Variants in RANBP17 observed in about 807,000 individuals in gnomAD.
The protein encoded by RANBP17 is ran-binding protein 17.
Under a neutral mutation model 141.2 loss-of-function variants are expected in RANBP17, and 158 were observed. The ratio of observed to expected loss-of-function variants is 1.12; its 90% CI spans 0.98 to 1.28. The LOEUF is 1.28. RANBP17 is among the 50% of genes most tolerant of loss of function. The pLI, the probability that RANBP17 is intolerant of heterozygous loss-of-function variation, is 0.00. For synonymous variants in RANBP17, 430 were observed against 450.0 expected (o/e 0.96, Z 0.56); for missense variants, 1,438 against 1,290.7 (o/e 1.11, Z -1.75).
At chr5:170,894,332 T>G (rs1216099046) in intron 4 of RANBP17, among the ~76,000 whole-genome samples, 1 of 152,044 alleles carries the variant, frequency 6.6e-6, no homozygotes, top group East Asian at 1.9e-4. Flanking sequence ...TTGGCTAACA[T>G]TTCTCAAGCT....
Position 170,909,677 on chromosome 5 carries a change from C to G in RANBP17, c.506C>G (p.Pro169Arg), listed in dbSNP as rs139178386. Residue 169 changes from proline (P) to arginine (R), a missense_variant, in exon 6 of 28, where the codon CCT becomes CGT. Pro to Arg is a moderately radical substitution (Grantham distance 103). Transcript: ENST00000523189. ...TCTTTTTAGGTTGATTATTCTAGACCTTCAGCAAAACACAGGAAAATAGCT... is the reference window on the plus strand; with the variant it reads ...TCTTTTTAGGTTGATTATTCTAGACGTTCAGCAAAACACAGGAAAATAGCT... ...QEMNLVDYSR[P>R]SAKHRKIATS... 1.3e-3 allele frequency: 1,992 copies of G among 1,572,190 alleles called. 3 individuals are homozygous for G. The highest frequency in any genetic ancestry group is 1.5e-3 in the Admixed American group (88 of 58,054).
At chr5:171,096,976 G>A (rs1298429568) in intron 14 of RANBP17, among the ~76,000 whole-genome samples, 1 of 152,148 alleles carries the variant, frequency 6.6e-6, no homozygotes, top group East Asian at 1.9e-4. Flanking sequence ...ATTCAGTGTT[G>A]ATTGTGACCA....
intron 20 of RANBP17, chr5:171,205,856 C>T (rs966253210): frequency 1.4e-5 from 8 of 577,756 alleles, no homozygotes; most frequent in African/African-American, 7.4e-5. Flanking sequence ...AAAATGACTT[C>T]CCCCAAATGA....
chr5:171,110,437 C>T (rs905069291), intron 14 of RANBP17, among the ~76,000 whole-genome samples: 3 of 152,086 alleles, frequency 2.0e-5, no homozygotes, highest in African/African-American at 4.8e-5. Flanking sequence ...TACTGCTCAC[C>T]GTTCACTAGC....
chr5:170,971,925 G>C lies in RANBP17; in HGVS notation c.1710+3548G>C, dbSNP rs116154922. Among the ~76,000 whole-genome samples, 378 of 152,036 alleles carry C rather than the reference G, an allele frequency of 2.5e-3. 4 individuals are homozygous for C. The highest frequency in any genetic ancestry group is 7.6e-3 in the African/African-American group (316 of 41,450). On this transcript the variant is annotated intron_variant, in intron 14 of 27. Coordinates refer to ENST00000523189, the MANE Select transcript of RANBP17 (RefSeq NM_022897.5). The stretch of plus-strand genomic sequence containing the variant: ...AGAATAATGTAATAAACACTCATAT[G>C]CCCATCATTCAGTTTTGTCAAGTCT...
intron 14 of RANBP17, among the ~76,000 whole-genome samples, chr5:171,081,267 T>C (rs993963122): frequency 6.6e-6 from 1 of 152,156 alleles, no homozygotes; most frequent in Non-Finnish European, 1.5e-5. Context: ...AAAACTAATA[T>C]AAGTGATGGC....
chr5:171,045,260 T>C (rs1422869622), intron 14 of RANBP17, among the ~76,000 whole-genome samples: 1 of 152,078 alleles, frequency 6.6e-6, no homozygotes, highest in Non-Finnish European at 1.5e-5. Flanking sequence ...AATATATGTG[T>C]AAATAGAGAA....
At chr5:170,983,933 A>C (rs1777940085) in intron 14 of RANBP17, among the ~76,000 whole-genome samples, 1 of 152,190 alleles carries the variant, frequency 6.6e-6, no homozygotes. Context: ...TAGGAGGTAG[A>C]AGCAGAATGT....
intron 24 of RANBP17, among the ~76,000 whole-genome samples, chr5:171,264,769 C>A (rs1766556489): frequency 6.6e-6 from 1 of 152,176 alleles, no homozygotes; most frequent in South Asian, 2.1e-4. Flanking sequence ...AAGTAATTGG[C>A]AAAGATAGGA....
intron 14 of RANBP17, among the ~76,000 whole-genome samples, chr5:171,024,238 G>A (rs970708905): frequency 1.3e-5 from 2 of 152,138 alleles, no homozygotes; most frequent in African/African-American, 4.8e-5. Context: ...AGAGTAATGG[G>A]GGAAAGAGTA....
At chr5:171,008,179 T>A (rs1779784779) in intron 14 of RANBP17, among the ~76,000 whole-genome samples, 1 of 152,214 alleles carries the variant, frequency 6.6e-6, no homozygotes. Flanking sequence ...GTGTCTCCTT[T>A]GTCTGTACTA....
At chr5:171,170,495 A>AT (rs79815298) in intron 15 of RANBP17, among the ~76,000 whole-genome samples, 12,443 of 151,212 alleles carry the variant, frequency 0.082, 736 homozygotes, top group African/African-American at 0.17. Flanking sequence ...ATTGGGCAGC[A>AT]TTTTTTTTTA....
intron 14 of RANBP17, among the ~76,000 whole-genome samples, chr5:171,105,067 G>A (rs537782730): frequency 6.6e-6 from 1 of 152,214 alleles, no homozygotes; most frequent in South Asian, 2.1e-4. Flanking sequence ...TTTTGGAGAG[G>A]ATAAAACAAT....
At chr5:171,046,950 T>A (rs931735072) in intron 14 of RANBP17, among the ~76,000 whole-genome samples, 1 of 152,092 alleles carries the variant, frequency 6.6e-6, no homozygotes, top group African/African-American at 2.4e-5. Flanking sequence ...AAATCTCAAG[T>A]TTGTCATTTT....
In RANBP17 at chr5:170,862,055, A is replaced by C; in HGVS notation, c.18+4A>C. 6.8e-7 allele frequency: 1 copy of C among 1,461,296 alleles called. No individual in the cohort carries two copies. Among genetic ancestry groups the C allele is most frequent in the Non-Finnish European group, 9.0e-7 (1 of 1,113,644 alleles). The allele number at this position is 1,461,296 out of a possible 1,614,324, so 90.5% of individuals were successfully genotyped here. ...GAAGATGGCGCTGCACTTCCAGGTC[A>C]GTGTGCTCTGCGCCGCGGGCCCGCG... On this transcript the variant is annotated splice_donor_region_variant and intron_variant, in intron 1 of 27. Coordinates refer to ENST00000523189, the MANE Select transcript of RANBP17 (RefSeq NM_022897.5).
In RANBP17 at chr5:171,241,140, C is replaced by T. The variant is rs748440499; in HGVS notation, c.2635C>T (p.Leu879=). 1 of 1,608,844 alleles carries T rather than the reference C, an allele frequency of 6.2e-7. No individual in the cohort carries two copies. The highest frequency in any genetic ancestry group is 1.7e-5 in the Admixed American group (1 of 59,884). ...GCTGTCAGTGTCCCACAGTGACTTG[C>T]TAGTAAGCAATCATGCATCATGGGA... ...MLLSVSHSDL[L]QYRKLSQSYY... is the part of the protein sequence containing the mutation. Residue 879 remains leucine, a splice_region_variant and synonymous_variant, in exon 23 of 28, where the codon CTA becomes TTA. Coordinates refer to ENST00000523189, the MANE Select transcript of RANBP17 (RefSeq NM_022897.5).
At chr5:171,278,767 T>A (rs1767682169) in intron 25 of RANBP17, among the ~76,000 whole-genome samples, 1 of 152,210 alleles carries the variant, frequency 6.6e-6, no homozygotes. Flanking sequence ...CTGCCTTGTC[T>A]GGGGGTGAAA....
At chr5:170,990,908 G>T (rs1487507033) in intron 14 of RANBP17, among the ~76,000 whole-genome samples, 1 of 151,896 alleles carries the variant, frequency 6.6e-6, no homozygotes, top group Non-Finnish European at 1.5e-5. Context: ...CTCATTAAAG[G>T]CATTGTCGGG....
chr5:171,092,856 T>C (rs1219980301), intron 14 of RANBP17, among the ~76,000 whole-genome samples: 1 of 152,208 alleles, frequency 6.6e-6, no homozygotes, highest in Non-Finnish European at 1.5e-5. Context: ...ACCTTTGATC[T>C]CTAGTCCTTA....
Sources: gnomAD v4.1 joint callset for allele counts (sites outside exome capture counted in the v4.1 genomes callset) on GRCh38, gnomAD v4.1.1 for gene constraint, MANE v1.5 for transcripts, NCBI Gene and HGNC (gene_info 2026-07-23, HGNC 2026-07-21) for gene names.